ERP44: variants seen among roughly 807,000 people sequenced by gnomAD.
The protein encoded by ERP44 is endoplasmic reticulum resident protein 44.
A neutral mutation model predicts 53.4 loss-of-function variants in ERP44; 25 were observed. The observed-to-expected ratio is 0.47, with a 90% confidence interval of 0.34 to 0.65. The LOEUF is 0.65. Among genes scored for constraint, ERP44 ranks in the 30% least tolerant of loss-of-function variants. ERP44 has a pLI of 0.01. For synonymous variants in ERP44, 145 were observed against 161.2 expected, an observed-to-expected ratio of 0.90 and a Z score of 0.76; for missense variants, 338 against 493.2, an observed-to-expected ratio of 0.69 and a Z score of 2.98.
intron 10 of ERP44, among the ~76,000 whole-genome samples, chr9:100,001,267 A>G (rs1166677991): frequency 1.3e-5 from 2 of 152,114 alleles, no homozygotes; most frequent in East Asian, 1.9e-4. Flanking sequence ...CTAACATATG[A>G]TCTATCCTGA....
At chr9:100,025,092 T>A (rs911845698) in intron 4 of ERP44, among the ~76,000 whole-genome samples, 3 of 152,114 alleles carry the variant, frequency 2.0e-5, no homozygotes, top group Admixed American at 2.0e-4. Flanking sequence ...AAAGACCCCA[T>A]CTCAAAAAAT....
chr9:100,057,298 A>G (rs919820492), intron 3 of ERP44, among the ~76,000 whole-genome samples: 1 of 152,210 alleles, frequency 6.6e-6, no homozygotes, highest in African/African-American at 2.4e-5. Flanking sequence ...GATGCTGGGA[A>G]TACTGAGTAT....
intron 4 of ERP44, among the ~76,000 whole-genome samples, chr9:100,032,284 GA>G (rs1825800617): frequency 6.6e-6 from 1 of 152,100 alleles, no homozygotes; most frequent in Non-Finnish European, 1.5e-5. Flanking sequence ...AAAAAACTGG[GA>G]AGTAAAAAAT....
chr9:100,013,489 G>A (rs2118641939), intron 8 of ERP44, among the ~76,000 whole-genome samples: 1 of 152,010 alleles, frequency 6.6e-6, no homozygotes, highest in South Asian at 2.1e-4. Flanking sequence ...ATTAAGCATG[G>A]CATTTTAAGC....
At chr9:100,072,679 C>T (rs1208916626) in intron 1 of ERP44, among the ~76,000 whole-genome samples, 4 of 152,118 alleles carry the variant, frequency 2.6e-5, no homozygotes, top group East Asian at 1.9e-4. Context: ...TGCGCCACCA[C>T]GTCTGGCTAA....
chr9:100,070,885 G>C (rs951131982), intron 1 of ERP44, among the ~76,000 whole-genome samples: 3 of 152,110 alleles, frequency 2.0e-5, no homozygotes, highest in African/African-American at 7.2e-5. Context: ...AAGGAGTTAA[G>C]CACAAGGAGT....
intron 10 of ERP44, among the ~76,000 whole-genome samples, chr9:99,986,946 T>C (rs553052824): frequency 1.1e-4 from 16 of 152,236 alleles, no homozygotes; most frequent in Admixed American, 3.3e-4. Context: ...ATGGGGTCTA[T>C]AATGTTTAAG....
At chr9:100,009,856 T>C (rs1830455199) in intron 8 of ERP44, among the ~76,000 whole-genome samples, 1 of 152,196 alleles carries the variant, frequency 6.6e-6, no homozygotes, top group Non-Finnish European at 1.5e-5. Flanking sequence ...CTTCTGCTTC[T>C]CTCTTAGCAC....
chr9:100,063,915 A>T (rs576719291), intron 1 of ERP44, among the ~76,000 whole-genome samples: 1 of 152,300 alleles, frequency 6.6e-6, no homozygotes, highest in South Asian at 2.1e-4. Flanking sequence ...TAGTGATGGG[A>T]TCTCATATAA....
intron 10 of ERP44, among the ~76,000 whole-genome samples, chr9:99,992,841 G>A (rs1242049074): frequency 6.6e-6 from 1 of 152,130 alleles, no homozygotes; most frequent in African/African-American, 2.4e-5. Context: ...AAATCAATGT[G>A]CAAAAATCAC....
At chr9:99,999,913 G>T (rs766031424) in intron 10 of ERP44, among the ~76,000 whole-genome samples, 1 of 152,000 alleles carries the variant, frequency 6.6e-6, no homozygotes, top group Non-Finnish European at 1.5e-5. Flanking sequence ...GTTTCCCCCC[G>T]CTTTTTCCAG....
intron 10 of ERP44, among the ~76,000 whole-genome samples, chr9:99,999,946 C>G (rs1830359931): frequency 6.6e-6 from 1 of 152,166 alleles, no homozygotes; most frequent in Admixed American, 6.5e-5. Flanking sequence ...AAGAGACTCT[C>G]TTTTCTCTCT....
At chr9:100,018,436 A>T in intron 6 of ERP44, 123 bp from the exon 7 acceptor site, 2 of 656,208 alleles carry the variant, frequency 3.0e-6, no homozygotes, top group Non-Finnish European at 5.5e-6. Flanking sequence ...ATACCAAGAA[A>T]AGTATACATT....
chr9:100,081,381 G>A (rs1826422283), intron 1 of ERP44, among the ~76,000 whole-genome samples: 1 of 152,124 alleles, frequency 6.6e-6, no homozygotes, highest in Non-Finnish European at 1.5e-5. Context: ...CAATGACAGT[G>A]TAATAGTTGT....
chr9:100,067,168 G>C lies in ERP44; in HGVS notation c.58-6996C>G, dbSNP rs7023197. On this transcript the variant is annotated intron_variant, in intron 1 of 11. Transcript: ENST00000262455. ...CGCTCTCGCTCTCGCTCTCCCTCTCGCTCTCCCTCTCCCTCTCCCTCTCCC... is the reference window on the plus strand; with the variant it reads ...CGCTCTCGCTCTCGCTCTCCCTCTCCCTCTCCCTCTCCCTCTCCCTCTCCC... 9.5e-5 allele frequency among the ~76,000 whole-genome samples: 14 copies of C among 146,824 alleles called. No individual in the cohort carries two copies. The East Asian group carries it at 1.2e-3, about 12-fold the overall frequency.
chr9:100,061,564 GTA>G (rs1433280770), intron 1 of ERP44, among the ~76,000 whole-genome samples: 1 of 139,704 alleles, frequency 7.2e-6, no homozygotes, highest in Admixed American at 7.0e-5. Context: ...TTATAGAAAC[GTA>G]TATATTTATA....
chr9:100,069,523 G>T (rs1405187933), intron 1 of ERP44, among the ~76,000 whole-genome samples: 1 of 152,082 alleles, frequency 6.6e-6, no homozygotes, highest in Non-Finnish European at 1.5e-5. Context: ...TTGAACCCAG[G>T]AAATGGAGGT....
intron 4 of ERP44, among the ~76,000 whole-genome samples, chr9:100,036,149 A>G (rs1825846617): frequency 6.6e-6 from 1 of 152,258 alleles, no homozygotes; most frequent in Non-Finnish European, 1.5e-5. Context: ...CAACCTAGGT[A>G]TCCATCAACA....
intron 10 of ERP44, among the ~76,000 whole-genome samples, chr9:100,002,878 T>G (rs1830392733): frequency 6.6e-6 from 1 of 152,194 alleles, no homozygotes; most frequent in Admixed American, 6.5e-5. Flanking sequence ...TGCAAAGCTT[T>G]TTTTATTTTA....
Sources: allele counts gnomAD v4.1 joint callset (sites outside exome capture counted in the v4.1 genomes callset), GRCh38; gene constraint gnomAD v4.1.1; transcripts MANE v1.5; gene names NCBI Gene and HGNC (gene_info 2026-07-23, HGNC 2026-07-21).